EP400: variants seen among roughly 807,000 people sequenced by gnomAD.
The protein encoded by EP400 is E1A binding protein p400, also known as E1A-binding protein p400.
In EP400, 105 loss-of-function variants were observed where a neutral mutation model predicts 354.1. The ratio of observed to expected loss-of-function variants is 0.30; its 90% CI spans 0.25 to 0.35. The LOEUF is 0.35. Among genes scored for constraint, EP400 ranks in the 10% least tolerant of loss-of-function variants. The pLI is 1.00. For missense variants in EP400, 3,280 were observed against 4,121.0 expected (o/e 0.80, Z 5.59); for synonymous variants, 1,646 against 1,716.9 (o/e 0.96, Z 1.02).
At chr12:132,003,771 A>G (rs1893493849) in intron 12 of EP400, among the ~76,000 whole-genome samples, 1 of 152,200 alleles carries the variant, frequency 6.6e-6, no homozygotes, top group Non-Finnish European at 1.5e-5. Flanking sequence ...CACAGCCAAC[A>G]CTTACTTTCA....
At chr12:132,041,587 A>G (rs1360679017) in intron 32 of EP400, among the ~76,000 whole-genome samples, 3 of 152,130 alleles carry the variant, frequency 2.0e-5, no homozygotes, top group South Asian at 4.1e-4. Flanking sequence ...TGTGGACGTG[A>G]TGGAGTGGTT....
intron 2 of EP400, among the ~76,000 whole-genome samples, chr12:131,975,869 TTTTG>T: frequency 6.6e-6 from 1 of 152,104 alleles, no homozygotes; most frequent in Non-Finnish European, 1.5e-5. Flanking sequence ...ATTTAAAATT[TTTTG>T]TTTGTTTTTT....
At chr12:132,019,289 G>T (rs1393771163) in intron 21 of EP400, among the ~76,000 whole-genome samples, 5 of 152,190 alleles carry the variant, frequency 3.3e-5, no homozygotes, top group Non-Finnish European at 7.3e-5. Flanking sequence ...GGACCCTCCT[G>T]CCTTGGTCCC....
At chr12:132,040,547 T>G (rs1354967585) in intron 32 of EP400, among the ~76,000 whole-genome samples, 5 of 152,242 alleles carry the variant, frequency 3.3e-5, no homozygotes, top group African/African-American at 1.2e-4. Flanking sequence ...CAGATTCTTT[T>G]GAAACATACT....
Position 131,992,247 on chromosome 12 carries a change from C to T in EP400, c.2737+17C>T, listed in dbSNP as rs1893064749. The stretch of plus-strand genomic sequence containing the variant: ...ATGACGAAGGTCTGTTCCCCCTCAG[C>T]ACTATCTTTGTCATCTCCAGGGCTG... On this transcript the variant is annotated intron_variant, in intron 11 of 52. Coordinates refer to ENST00000389561, the MANE Select transcript of EP400 (RefSeq NM_015409.5). The T allele has an allele frequency of 3.7e-6, 6 of 1,605,662 alleles. No homozygotes were observed. In the East Asian group the frequency reaches 1.3e-4, roughly 36 times the overall value.
chr12:132,053,191 T>G lies in EP400; in HGVS notation c.7440T>G (p.Ser2480=). ...CGCTGCCTCCCATCCAGGTGGCATC[T>G]CTCCGTGCAGAGCGAATCGCAAAAG... ...DKPLPPIQVA[S]LRAERIAKEK... is the part of the protein sequence containing the mutation. Residue 2480 remains serine (S), a synonymous_variant, in exon 42 of 53, where the codon TCT becomes TCG. Transcript: ENST00000389561. 3 of 1,613,978 alleles carry G rather than the reference T, an allele frequency of 1.9e-6. No homozygotes were observed. The highest frequency in any genetic ancestry group is 2.5e-6 in the Non-Finnish European group (3 of 1,179,980).
chr12:132,017,678 C>T lies in EP400; in HGVS notation c.4067C>T (p.Ser1356Phe), dbSNP rs751674702. 16 of 1,571,052 alleles carry T rather than the reference C, an allele frequency of 1.0e-5. No individual in the cohort carries two copies. The African/African-American group carries it at 1.8e-4, about 17-fold the overall frequency. The change falls in exon 20 of 53, where the codon TCC (serine) becomes TTC (phenylalanine). Residue 1356 changes from serine (S) to phenylalanine (F), a missense_variant. By Grantham distance (155) the Ser-to-Phe change is radical. Transcript: ENST00000389561. This position sits in a 1 kb window ranked among gnomAD's most constrained non-coding sequence, Gnocchi z 5.0. Reference sequence around the variant, plus strand: ...GTGGCGGGGCCACTGGAGTATCCGTCCGCATCTCTAATCCTGAAGGCACTG... The same window carrying T: ...GTGGCGGGGCCACTGGAGTATCCGTTCGCATCTCTAATCCTGAAGGCACTG... ...SYVAGPLEYP[S>F]ASLILKALER...
intron 2 of EP400, among the ~76,000 whole-genome samples, chr12:131,971,469 CG>C (rs1219837340): frequency 6.6e-6 from 1 of 152,186 alleles, no homozygotes; most frequent in Non-Finnish European, 1.5e-5. Context: ...CTTCAAGACA[CG>C]GATTTCCTTT....
Position 132,006,748 on chromosome 12 carries a change from C to G in EP400, c.3175C>G (p.Gln1059Glu). 6.2e-7 allele frequency: 1 copy of G among 1,613,264 alleles called. No individual in the cohort carries two copies. Among genetic ancestry groups the G allele is most frequent in the Non-Finnish European group, 8.5e-7 (1 of 1,179,844 alleles). The stretch of plus-strand genomic sequence containing the variant: ...GTTGTATGGGGCTCTCAGAGATTAT[C>G]AGAAGATTGGCCTGGACTGGCTGGC... Reference protein sequence around the residue: ...SLLYGALRDYQKIGLDWLAKL... With the variant: ...SLLYGALRDYEKIGLDWLAKL... The change falls in exon 15 of 53, where the codon CAG (glutamine) becomes GAG (glutamate). Residue 1059 changes from glutamine (Q) to glutamate (E), a missense_variant. Transcript: ENST00000389561.
intron 15 of EP400, 53 bp from the exon 16 acceptor site, chr12:132,011,445 G>T: frequency 6.2e-7 from 1 of 1,605,234 alleles, no homozygotes; most frequent in African/African-American, 1.3e-5. Flanking sequence ...AGTGCTAGGT[G>T]CCTGGACATG....
chr12:132,066,475 T>C, intron 48 of EP400: 1 of 344,726 alleles, frequency 2.9e-6, no homozygotes, highest in Non-Finnish European at 5.2e-6. Context: ...ATGCGGTTAC[T>C]GGTTCAGGAG....
intron 45 of EP400, 120 bp downstream of exon 45, chr12:132,055,328 A>G: frequency 1.2e-6 from 1 of 826,136 alleles, no homozygotes. Context: ...GTCTAGTTTG[A>G]ATTTCATAAA....
chr12:131,961,131 T>C lies in EP400; in HGVS notation c.512T>C (p.Val171Ala). The change falls in exon 2 of 53, where the codon GTG becomes GCG. Residue 171 changes from valine to alanine, a missense_variant. Physicochemically the swap from Val to Ala is moderately conservative, Grantham distance 64. Around this residue, in one of 20 missense-constraint regions of EP400, gnomAD observed 172 missense variants for 242.9 expected, o/e 0.71. Transcript: ENST00000389561. ...LCSSSPTGGF[V>A]DASVLVRQIS... The stretch of plus-strand genomic sequence containing the variant: ...AGCAGCAGCCCTACAGGGGGCTTCG[T>C]GGATGCCAGCGTGCTGGTGAGGCAG... 6.2e-7 allele frequency: 1 copy of C among 1,611,760 alleles called. No homozygotes were observed. The highest frequency in any genetic ancestry group is 8.5e-7 in the Non-Finnish European group (1 of 1,178,940).
chr12:132,012,736 A>G (rs562862614), intron 16 of EP400, among the ~76,000 whole-genome samples: 7 of 152,228 alleles, frequency 4.6e-5, no homozygotes, highest in Non-Finnish European at 1.0e-4. Context: ...ATCCTCTGCC[A>G]TAATCTCAGT....
rs61944609 is a variant in EP400 at position 132,029,777 on chromosome 12, C to T, written c.5458C>T (p.His1820Tyr). The change falls in exon 28 of 53, where the codon CAC becomes TAC. Residue 1820 changes from histidine (H) to tyrosine (Y), a missense_variant. His to Tyr is a moderately conservative substitution (Grantham distance 83, BLOSUM62 2). This residue lies in a region of EP400 where 459 missense variants were observed against 496.9 expected (regional missense o/e 0.92). Transcript: ENST00000389561. This position sits in a 1 kb window ranked among gnomAD's most constrained non-coding sequence, Gnocchi z 4.7. ...RVPRPPPLYS[H>Y]RMRILRQGLR... The stretch of plus-strand genomic sequence containing the variant: ...GCCGCGGCCGCCACCCCTGTACAGC[C>T]ACAGAATGAGGATCTTGAGGCAGGG... 18 of 1,613,706 alleles carry T rather than the reference C, an allele frequency of 1.1e-5. No homozygotes were observed. The African/African-American group carries it at 1.5e-4, about 13-fold the overall frequency.
intron 23 of EP400, 77 bp downstream of exon 23, chr12:132,021,398 G>T: frequency 7.0e-7 from 1 of 1,430,958 alleles, no homozygotes; most frequent in Non-Finnish European, 9.1e-7. Context: ...GGGGATGTAG[G>T]AGGAGCCTTG....
At chr12:132,044,345 C>A in intron 35 of EP400, 34 bp downstream of exon 35, 1 of 1,598,978 alleles carries the variant, frequency 6.3e-7, no homozygotes, top group South Asian at 1.1e-5. Flanking sequence ...CCCTCTTGCC[C>A]CCCTGCTGAG....
chr12:132,046,511 G>A (rs1383995471), intron 39 of EP400, among the ~76,000 whole-genome samples: 1 of 152,230 alleles, frequency 6.6e-6, no homozygotes, highest in Non-Finnish European at 1.5e-5. Context: ...GGTTTGACAA[G>A]CATAATATTC....
At position 132,064,865 on chromosome 12, in the gene EP400, C is replaced by T. The variant is rs1402263066; in HGVS notation, c.8532C>T (p.Ala2844=). Residue 2844 remains alanine, a synonymous_variant, in exon 48 of 53, where the codon GCC becomes GCT. Transcript: ENST00000389561. ...PGALLTGTTV[A]NLQVARLTRV... is the part of the protein sequence containing the mutation. ...CCCTGCTGACGGGCACCACCGTGGC[C>T]AACCTCCAGGTGGCCCGGCTCGTAA... 3 of 1,610,136 alleles carry T rather than the reference C, an allele frequency of 1.9e-6. No individual in the cohort carries two copies. Among genetic ancestry groups the T allele is most frequent in the Non-Finnish European group, 1.7e-6 (2 of 1,178,752 alleles).
Sources: allele counts gnomAD v4.1 joint callset (sites outside exome capture counted in the v4.1 genomes callset), GRCh38; gene constraint gnomAD v4.1.1; regional missense constraint gnomAD v4.1.1; non-coding constraint Gnocchi (gnomAD v3.1); transcripts MANE v1.5; gene names NCBI Gene and HGNC (gene_info 2026-07-23, HGNC 2026-07-21).